The following ANKRD30B variants were observed in gnomAD, a reference collection of about 807,000 sequenced individuals.
ANKRD30B encodes the protein ankyrin repeat domain-containing protein 30B.
Under a neutral mutation model 202.2 loss-of-function variants are expected in ANKRD30B, and 144 were observed. That is an observed-to-expected ratio of 0.71 (90% CI 0.62 to 0.82). The LOEUF (loss-of-function observed/expected upper bound fraction) is 0.82. Ranked by LOEUF, ANKRD30B falls within the 40% of genes least tolerant of loss-of-function variation. The pLI is 0.00. For missense variants in ANKRD30B, 1,487 were observed against 1,669.1 expected (o/e 0.89, Z 1.90); for synonymous variants, 508 against 561.3 (o/e 0.91, Z 1.34).
rs2143990222 is a variant in ANKRD30B, at chr18:14,799,020, T to C, written c.2030-81T>C. On this transcript the variant is annotated intron_variant, in intron 20 of 43. Transcript: ENST00000690538. ...AATCCAAGCATCATGAGGATTCGTC[T>C]TCATATTCACACTCTATGAACGTTT... 5 of 1,329,162 alleles carry C rather than the reference T, an allele frequency of 3.8e-6. No individual in the cohort carries two copies. The East Asian group carries it at 9.3e-5, about 25-fold the overall frequency. 82.3% of individuals were successfully genotyped at this position (1,329,162 alleles called of 1,614,324 possible).
intron 8 of ANKRD30B, among the ~76,000 whole-genome samples, chr18:14,771,558 T>A (rs1418278413): frequency 6.6e-6 from 1 of 152,202 alleles, no homozygotes; most frequent in Non-Finnish European, 1.5e-5. Flanking sequence ...AATTTGTAGG[T>A]TCAGCTTTTC....
chr18:14,787,257 A>C (rs572796134), intron 15 of ANKRD30B, among the ~76,000 whole-genome samples, 157 bp downstream of exon 15: 1 of 151,160 alleles, frequency 6.6e-6, no homozygotes, highest in Non-Finnish European at 1.5e-5. Flanking sequence ...TATATGTGCT[A>C]AGTAGATTAC....
chr18:14,752,340 T>G (rs1453399618), intron 1 of ANKRD30B, among the ~76,000 whole-genome samples: 1 of 152,184 alleles, frequency 6.6e-6, no homozygotes, highest in Admixed American at 6.6e-5. Flanking sequence ...CAAGCTCAAG[T>G]TGAACTGAAT....
intron 15 of ANKRD30B, 119 bp from the exon 16 acceptor site, chr18:14,791,282 C>T (rs944223735): frequency 3.0e-5 from 24 of 787,120 alleles, no homozygotes; most frequent in Admixed American, 1.1e-4. Context: ...ACTCTTAAGT[C>T]GAATTGTTTG....
intron 4 of ANKRD30B, among the ~76,000 whole-genome samples, chr18:14,756,663 G>A (rs934807188): frequency 2.6e-5 from 4 of 152,226 alleles, no homozygotes; most frequent in Admixed American, 2.6e-4. Flanking sequence ...GGAGGCCAAG[G>A]TGGTTGGATC....
chr18:14,753,815 G>A (rs1289373543), intron 3 of ANKRD30B, among the ~76,000 whole-genome samples: 2 of 151,880 alleles, frequency 1.3e-5, no homozygotes, highest in African/African-American at 4.8e-5. Context: ...CTTCTTCTTA[G>A]AATTGTCCCT....
At chr18:14,918,357 TAAA>T in the ANKRD30B span, among the ~76,000 whole-genome samples, 3 of 152,210 alleles carry the variant, frequency 2.0e-5, no homozygotes, top group Non-Finnish European at 4.4e-5. Flanking sequence ...GGTTTAATTT[TAAA>T]ATCTTTACTC....
At chr18:14,935,094 TG>T in the ANKRD30B span, among the ~76,000 whole-genome samples, 10 of 152,290 alleles carry the variant, frequency 6.6e-5, no homozygotes, top group Admixed American at 5.2e-4. Context: ...ATTGTTAGCA[TG>T]GTTTCCTCCT....
intron 40 of ANKRD30B, among the ~76,000 whole-genome samples, chr18:14,849,489 A>G (rs1971796223): frequency 6.6e-6 from 1 of 151,806 alleles, no homozygotes; most frequent in South Asian, 2.1e-4. Flanking sequence ...TAAAGAAAAT[A>G]TAATTTATGA....
At chr18:14,891,717 T>C in the ANKRD30B span, among the ~76,000 whole-genome samples, 1 of 152,346 alleles carries the variant, frequency 6.6e-6, no homozygotes, top group Non-Finnish European at 1.5e-5. Flanking sequence ...GATGCATTCA[T>C]GTAATGTTCA....
the ANKRD30B span, among the ~76,000 whole-genome samples, chr18:14,870,432 T>TA: frequency 6.6e-6 from 1 of 152,216 alleles, no homozygotes. Context: ...CTTTCCCCTC[T>TA]GGGGAAGGCC....
the ANKRD30B span, among the ~76,000 whole-genome samples, chr18:14,886,278 AGG>A: frequency 6.6e-6 from 1 of 152,036 alleles, no homozygotes; most frequent in South Asian, 2.1e-4. Flanking sequence ...GCATGACCTT[AGG>A]TTTATCAAAA....
chr18:14,783,365 G>A (rs2143868368), intron 12 of ANKRD30B, among the ~76,000 whole-genome samples: 1 of 152,242 alleles, frequency 6.6e-6, no homozygotes, highest in African/African-American at 2.4e-5. Flanking sequence ...TGAATAGCAA[G>A]AGGAGTGCTC....
At chr18:14,917,287 C>A in the ANKRD30B span, among the ~76,000 whole-genome samples, 1 of 152,220 alleles carries the variant, frequency 6.6e-6, no homozygotes, top group East Asian at 1.9e-4. Flanking sequence ...ATTTCCCCAA[C>A]ATGCACAGAA....
intron 30 of ANKRD30B, among the ~76,000 whole-genome samples, chr18:14,819,958 T>C (rs1172600829): frequency 1.3e-5 from 2 of 152,114 alleles, no homozygotes; most frequent in Non-Finnish European, 2.9e-5. Flanking sequence ...TTGGGCAGTA[T>C]GGCCATTTTC....
chr18:14,919,435 C>T, the ANKRD30B span, among the ~76,000 whole-genome samples: 1 of 152,168 alleles, frequency 6.6e-6, no homozygotes, highest in Non-Finnish European at 1.5e-5. Flanking sequence ...TTGATTCCCT[C>T]TGCCACATCC....
At position 14,794,838 on chromosome 18, in the gene ANKRD30B, T is replaced by C. The variant is rs34223267; in HGVS notation, c.1826-1383T>C. Among the ~76,000 whole-genome samples the C allele has an allele frequency of 1.1e-3, 167 of 152,200 alleles. 1 individual carries two copies. In the South Asian group the frequency reaches 0.012, roughly 11 times the overall value. ...CAAAGGAAACAACATATATACTTGA[T>C]ATGTCTAAATATATTAAAGTGTGTC... is the stretch of plus-strand genomic sequence containing the variant. On this transcript the variant is annotated intron_variant, in intron 16 of 43. Transcript: ENST00000690538.
chr18:14,896,363 C>T, the ANKRD30B span, among the ~76,000 whole-genome samples: 1 of 152,044 alleles, frequency 6.6e-6, no homozygotes, highest in African/African-American at 2.4e-5. Flanking sequence ...GATCTCCTGA[C>T]CTTGTGATCT....
chr18:14,791,586 C>G (rs1240587732), intron 16 of ANKRD30B, 95 bp downstream of exon 16: 1 of 940,914 alleles, frequency 1.1e-6, no homozygotes, highest in Non-Finnish European at 1.6e-6. Flanking sequence ...AAAATTACCT[C>G]CTTAATGCAA....
Sources: allele counts gnomAD v4.1 joint callset (sites outside exome capture counted in the v4.1 genomes callset), GRCh38; gene constraint gnomAD v4.1.1; transcripts MANE v1.5; gene names NCBI Gene and HGNC (gene_info 2026-07-23, HGNC 2026-07-21).